DET1: variants seen among roughly 807,000 people sequenced by gnomAD.
DET1 encodes the protein DET1 homolog.
DET1 carries 22 observed loss-of-function variants against 43.7 expected under a neutral mutation model. The ratio of observed to expected loss-of-function variants is 0.50; its 90% CI spans 0.36 to 0.72. The LOEUF (loss-of-function observed/expected upper bound fraction) is 0.72, where lower values mean the gene tolerates loss of function less well. Among genes scored for constraint, DET1 ranks in the 30% least tolerant of loss-of-function variants. The probability of loss-of-function intolerance (pLI) is 0.00; values close to 1 mark genes in which losing one functional copy is unlikely to be tolerated. For synonymous variants in DET1, 315 were observed against 266.2 expected, an observed-to-expected ratio of 1.18 and a Z score of -1.79; for missense variants, 713 against 713.3, an observed-to-expected ratio of 1.00 and a Z score of 0.00.
rs936323877 is a variant in DET1 at position 88,524,758 on chromosome 15, C to G, written c.1271+2841G>C. Among the ~76,000 whole-genome samples, 6 of 151,966 alleles carry G rather than the reference C, an allele frequency of 3.9e-5. No homozygotes were observed. In the South Asian group the frequency reaches 6.3e-4, roughly 16 times the overall value. ...ACAGATGCTTGAAGGCAGCATGCTC[C>G]TTAAGAGTCATCACCACTCCCTAAT... On this transcript the variant is annotated intron_variant, in intron 3 of 4. Coordinates refer to ENST00000268148, the MANE Select transcript of DET1 (RefSeq NM_001144074.3).
In DET1 at chr15:88,533,794, G is replaced by C. The variant is rs954396808; in HGVS notation, c.-10-2079C>G. Among the ~76,000 whole-genome samples the C allele has an allele frequency of 1.5e-5, 2 of 135,980 alleles. 1 individual carries two copies. The highest frequency in any genetic ancestry group is 5.5e-5 in the African/African-American group (2 of 36,550). 89.2% of individuals were successfully genotyped at this position (135,980 alleles called of 152,430 possible). On this transcript the variant is annotated intron_variant, in intron 1 of 4. Coordinates refer to ENST00000268148, the MANE Select transcript of DET1 (RefSeq NM_001144074.3). ...CCCAGCTACTTGGGAGGCTGAGGTG[G>C]ACCACTTGAGCCCAGGAGTTTGAGT... is the stretch of plus-strand genomic sequence containing the variant.
intron 1 of DET1, among the ~76,000 whole-genome samples, chr15:88,540,605 T>G (rs576420651): frequency 2.6e-5 from 4 of 151,888 alleles, no homozygotes; most frequent in Admixed American, 6.6e-5. Context: ...TAGAAAGAAG[T>G]AGACATAGGA....
At chr15:88,520,755 T>C (rs1257534557) in intron 3 of DET1, among the ~76,000 whole-genome samples, 1 of 152,200 alleles carries the variant, frequency 6.6e-6, no homozygotes, top group African/African-American at 2.4e-5. Context: ...GCCACCACTG[T>C]TAAACAACAA....
chr15:88,538,706 C>T (rs1032839664), intron 1 of DET1, among the ~76,000 whole-genome samples: 4 of 152,166 alleles, frequency 2.6e-5, no homozygotes, highest in African/African-American at 7.2e-5. Flanking sequence ...CGGGCTCCCC[C>T]GGAAGGACGG....
At position 88,538,599 on chromosome 15, in the gene DET1, A is replaced by C. The variant is rs201308736; in HGVS notation, c.-10-6884T>G. Among the ~76,000 whole-genome samples the C allele has an allele frequency of 8.9e-4, 136 of 152,274 alleles. 1 individual carries two copies. The Middle Eastern group carries it at 0.01, about 11-fold the overall frequency. On this transcript the variant is annotated intron_variant, in intron 1 of 4. Transcript: ENST00000268148. Reference sequence around the variant, plus strand: ...ACCGGCTAGTAAAGGACTCTTAATTAGTCTCAAAGTGTGGCGTTTTCTCTA... The same window carrying C: ...ACCGGCTAGTAAAGGACTCTTAATTCGTCTCAAAGTGTGGCGTTTTCTCTA...
intron 3 of DET1, among the ~76,000 whole-genome samples, chr15:88,518,105 A>ATT (rs11327620): frequency 0.013 from 1,673 of 133,374 alleles, 40 homozygotes; most frequent in African/African-American, 0.033. Flanking sequence ...CACCCAGCTA[A>ATT]TTTTTTTTTT....
chr15:88,506,349 T>C (rs1008691314), intron 7 of DET1, among the ~76,000 whole-genome samples: 1 of 152,140 alleles, frequency 6.6e-6, no homozygotes, highest in Non-Finnish European at 1.5e-5. Context: ...GCACCATGGA[T>C]AAAGAATCCA....
chr15:88,529,662 T>C (rs2142304550), intron 2 of DET1, among the ~76,000 whole-genome samples: 1 of 152,330 alleles, frequency 6.6e-6, no homozygotes, highest in South Asian at 2.1e-4. Flanking sequence ...CAATAAGAGA[T>C]ACCAAACTCA....
At chr15:88,524,189 G>A (rs1356339645) in intron 3 of DET1, among the ~76,000 whole-genome samples, 2 of 151,082 alleles carry the variant, frequency 1.3e-5, no homozygotes, top group Non-Finnish European at 2.9e-5. Context: ...GAACTGAGGA[G>A]TGTCTCTGCC....
At chr15:88,520,788 G>T (rs1471388138) in intron 3 of DET1, among the ~76,000 whole-genome samples, 1 of 152,164 alleles carries the variant, frequency 6.6e-6, no homozygotes, top group African/African-American at 2.4e-5. Flanking sequence ...AGAGGACTTG[G>T]TATGTGCCAG....
At chr15:88,526,583 G>A (rs746226599) in intron 3 of DET1, among the ~76,000 whole-genome samples, 2 of 152,042 alleles carry the variant, frequency 1.3e-5, no homozygotes, top group African/African-American at 2.4e-5. Flanking sequence ...GTTTTCCTAG[G>A]GAAGAATCTC....
At chr15:88,541,149 C>T (rs958015739) in intron 1 of DET1, among the ~76,000 whole-genome samples, 2 of 116,086 alleles carry the variant, frequency 1.7e-5, no homozygotes, top group African/African-American at 7.5e-5. Context: ...GGAGGTGGGA[C>T]CTGCGGGCAG....
intron 1 of DET1, among the ~76,000 whole-genome samples, chr15:88,535,667 G>A (rs2056929644): frequency 6.6e-6 from 1 of 151,862 alleles, no homozygotes; most frequent in Non-Finnish European, 1.5e-5. Flanking sequence ...GAGGTGGGAG[G>A]ATCACTTGAG....
At position 88,516,644 on chromosome 15, in the gene DET1, T is replaced by C; in HGVS notation, c.1463+138A>G. 1 of 693,554 alleles carries C rather than the reference T, an allele frequency of 1.4e-6. No individual in the cohort carries two copies. The highest frequency in any genetic ancestry group is 2.2e-6 in the Non-Finnish European group (1 of 451,970). The allele number at this position is 693,554 out of a possible 1,614,324, so 43.0% of individuals were successfully genotyped here. ...AATGATCACAGCTCTCACTGCATTA[T>C]AGAAATAGCCTGCCTTTTCAACCTT... On this transcript the variant is annotated intron_variant, in intron 4 of 4. Coordinates refer to ENST00000268148, the MANE Select transcript of DET1 (RefSeq NM_001144074.3). The surrounding 1 kb of genome is among the most constrained non-coding windows in gnomAD (Gnocchi z 4.4).
intron 1 of DET1, among the ~76,000 whole-genome samples, chr15:88,538,891 G>C (rs1396250807): frequency 6.6e-6 from 1 of 152,152 alleles, no homozygotes; most frequent in African/African-American, 2.4e-5. Context: ...TCTGGTTCTG[G>C]TAAGAGGGAA....
chr15:88,514,156 G>A (rs942045325), intron 4 of DET1, among the ~76,000 whole-genome samples: 1 of 152,136 alleles, frequency 6.6e-6, no homozygotes, highest in African/African-American at 2.4e-5. Flanking sequence ...ACTAAGTAGT[G>A]TTTAATTTTT....
downstream of DET1, among the ~76,000 whole-genome samples, chr15:88,511,953 C>T (rs1274805244): frequency 6.6e-6 from 1 of 152,168 alleles, no homozygotes; most frequent in Non-Finnish European, 1.5e-5. Flanking sequence ...AAGCCTACTA[C>T]ACTACTGGCG....
chr15:88,523,891 T>C (rs1353099548), intron 3 of DET1, among the ~76,000 whole-genome samples: 1 of 139,224 alleles, frequency 7.2e-6, no homozygotes, highest in Non-Finnish European at 1.6e-5. Context: ...CGTCTCTGCC[T>C]GGCCGCCCAT....
At chr15:88,538,650 GC>G (rs2057014100) in intron 1 of DET1, among the ~76,000 whole-genome samples, 1 of 152,024 alleles carries the variant, frequency 6.6e-6, no homozygotes, top group Admixed American at 6.6e-5. Flanking sequence ...CATAATGGAG[GC>G]CCCAGCGAGA....
Sources: allele counts gnomAD v4.1 joint callset (sites outside exome capture counted in the v4.1 genomes callset), GRCh38; gene constraint gnomAD v4.1.1; non-coding constraint Gnocchi (gnomAD v3.1); transcripts MANE v1.5; gene names NCBI Gene and HGNC (gene_info 2026-07-23, HGNC 2026-07-21).